SKOR2: variants seen among roughly 807,000 people sequenced by gnomAD.
SKOR2 encodes the protein SKI family transcriptional corepressor 2.
In SKOR2, 47 loss-of-function variants were observed where a neutral mutation model predicts 69.1. That is an observed-to-expected ratio of 0.68 (90% CI 0.54 to 0.87). The LOEUF is 0.87. Ranked by LOEUF, SKOR2 falls within the 40% of genes least tolerant of loss-of-function variation. SKOR2 has a pLI of 0.00. For missense variants in SKOR2, 1,404 were observed against 1,472.2 expected (o/e 0.95, Z 0.76); for synonymous variants, 717 against 672.6 (o/e 1.07, Z -1.02).
Position 47,248,617 on chromosome 18 carries a change from G to A in SKOR2, c.567C>T (p.His189=). The A allele has an allele frequency of 6.5e-7, 1 of 1,548,790 alleles. No individual in the cohort carries two copies. The highest frequency in any genetic ancestry group is 8.7e-7 in the Non-Finnish European group (1 of 1,152,552). ...MYFSPNKFIF[H]SHRTPDAKYT... ...ACTTGGCGTCGGGCGTGCGGTGGGA[G>A]TGGAAAATGAACTTGTTGGGCGAGA... Residue 189 remains histidine (H), a synonymous_variant, in exon 2 of 9, where the codon CAC becomes CAT. Coordinates refer to ENST00000425639, the MANE Select transcript of SKOR2 (RefSeq NM_001278063.4). The surrounding 1 kb of genome is among the most constrained non-coding windows in gnomAD (Gnocchi z 6.4).
rs935803653 is a variant in SKOR2, at chr18:47,246,794, C to T, written c.2390G>A (p.Gly797Glu). 3 of 1,414,124 alleles carry T rather than the reference C, an allele frequency of 2.1e-6. No individual in the cohort carries two copies. The highest frequency in any genetic ancestry group is 2.9e-5 in the East Asian group (1 of 34,272). 87.6% of individuals were successfully genotyped at this position (1,414,124 alleles called of 1,614,324 possible). The change falls in exon 2 of 9, where the codon GGG becomes GAG. Residue 797 changes from glycine (G) to glutamate (E), a missense_variant. Transcript: ENST00000425639. ...GGCCGGCGCGCGGTCCCGGCTGCTC[C>T]CCTTCTCCGACGGCCCTCGGCCCTG... is the stretch of plus-strand genomic sequence containing the variant. ...FLQGRGPSEK[G>E]SSRDRAPAVA...
At chr18:47,231,311 G>A in intron 4 of SKOR2, 1 of 774,384 alleles carries the variant, frequency 1.3e-6, no homozygotes, top group African/African-American at 1.8e-5. Flanking sequence ...TGCTAGAATG[G>A]GCAAAAGAGG....
intron 4 of SKOR2, among the ~76,000 whole-genome samples, chr18:47,240,690 C>T: frequency 6.6e-6 from 1 of 152,092 alleles, no homozygotes; most frequent in East Asian, 1.9e-4. Flanking sequence ...AAAGGCTAAA[C>T]TTAATTAAAA....
intron 2 of SKOR2, 106 bp from the exon 3 acceptor site, chr18:47,245,667 C>G: frequency 1.0e-6 from 1 of 978,092 alleles, no homozygotes; most frequent in Non-Finnish European, 1.4e-6. Context: ...TCCATGGAGC[C>G]TCAGGAGACA....
At chr18:47,231,036 T>G (rs1299342420) in intron 4 of SKOR2, 36 bp from the exon 5 acceptor site, 1 of 1,535,494 alleles carries the variant, frequency 6.5e-7, no homozygotes, top group Non-Finnish European at 8.7e-7. Context: ...ATTAGTTTTG[T>G]GTAGGCTAGT....
chr18:47,248,959 G>T lies in SKOR2; in HGVS notation c.225C>A (p.Phe75Leu). Residue 75 changes from phenylalanine to leucine, a missense_variant, in exon 2 of 9, where the codon TTC becomes TTA. By Grantham distance (22) the Phe-to-Leu change is conservative. Around this residue, in one of 3 missense-constraint regions of SKOR2, gnomAD observed 34 missense variants for 66.6 expected, o/e 0.51. Transcript: ENST00000425639. The surrounding 1 kb of genome is among the most constrained non-coding windows in gnomAD (Gnocchi z 6.4). ...AQISNTLLKNFSYNEIHNRRV... is the reference protein window; with the variant it reads ...AQISNTLLKNLSYNEIHNRRV... Reference sequence around the variant, plus strand: ...GACGGTTGTGGATCTCGTTGTAGCTGAAGTTCTTGAGCAGAGTGTTGGAGA... The same window carrying T: ...GACGGTTGTGGATCTCGTTGTAGCTTAAGTTCTTGAGCAGAGTGTTGGAGA... 6.3e-7 allele frequency: 1 copy of T among 1,574,886 alleles called. No individual in the cohort carries two copies. Among genetic ancestry groups the T allele is most frequent in the Non-Finnish European group, 8.6e-7 (1 of 1,167,730 alleles).
At chr18:47,216,025 T>C (rs545967932) in intron 7 of SKOR2, among the ~76,000 whole-genome samples, 2 of 152,364 alleles carry the variant, frequency 1.3e-5, no homozygotes, top group South Asian at 2.1e-4. Flanking sequence ...TAAGTTTTTA[T>C]ATTCCAGTCC....
intron 1 of SKOR2, among the ~76,000 whole-genome samples, chr18:47,250,914 G>T (rs1318417304): frequency 1.3e-5 from 2 of 152,044 alleles, no homozygotes; most frequent in Admixed American, 6.6e-5. Flanking sequence ...ATTCATATCC[G>T]CTTAATAAGA....
chr18:47,210,518 T>G (rs190018882), intron 8 of SKOR2, among the ~76,000 whole-genome samples: 1 of 152,278 alleles, frequency 6.6e-6, no homozygotes, highest in Admixed American at 6.5e-5. Context: ...CCATTATACA[T>G]ATGGAGTTTA....
intron 7 of SKOR2, among the ~76,000 whole-genome samples, chr18:47,219,563 G>A (rs1342865285): frequency 1.3e-5 from 2 of 151,986 alleles, no homozygotes; most frequent in East Asian, 1.9e-4. Flanking sequence ...GGTAGTGGAG[G>A]GCCTGGCTCA....
chr18:47,221,332 G>T (rs1203407045), intron 6 of SKOR2, among the ~76,000 whole-genome samples: 4 of 152,184 alleles, frequency 2.6e-5, no homozygotes, highest in African/African-American at 9.7e-5. Flanking sequence ...ATTGAGAGAA[G>T]AGCTGTCATT....
intron 4 of SKOR2, 178 bp from the exon 5 acceptor site, chr18:47,231,178 G>C: frequency 6.5e-7 from 1 of 1,535,998 alleles, no homozygotes; most frequent in Non-Finnish European, 8.7e-7. Context: ...AAACACGGAG[G>C]GGAGGTGCAG....
At chr18:47,216,535 C>T (rs1421584100) in intron 7 of SKOR2, among the ~76,000 whole-genome samples, 2 of 152,138 alleles carry the variant, frequency 1.3e-5, no homozygotes, top group Non-Finnish European at 2.9e-5. Context: ...CACAACTTTA[C>T]ATTTAACACG....
At chr18:47,207,099 C>A (rs2064115404) in intron 8 of SKOR2, among the ~76,000 whole-genome samples, 1 of 151,834 alleles carries the variant, frequency 6.6e-6, no homozygotes, top group Non-Finnish European at 1.5e-5. Flanking sequence ...CACAGTAAAG[C>A]CATTTAGATG....
chr18:47,237,322 G>A (rs1407826117), intron 4 of SKOR2, among the ~76,000 whole-genome samples: 1 of 152,150 alleles, frequency 6.6e-6, no homozygotes, highest in African/African-American at 2.4e-5. Flanking sequence ...CAAAACCACA[G>A]CACTAAATTT....
rs1256033239 is a variant in SKOR2 at position 47,237,039 on chromosome 18, C to A, written c.2753-6039G>T. 1.3e-5 allele frequency among the ~76,000 whole-genome samples: 2 copies of A among 152,190 alleles called. 1 individual carries two copies. Among genetic ancestry groups the A allele is most frequent in the Non-Finnish European group, 2.9e-5 (2 of 68,034 alleles). On this transcript the variant is annotated intron_variant, in intron 4 of 8. Coordinates refer to ENST00000425639, the MANE Select transcript of SKOR2 (RefSeq NM_001278063.4). The stretch of plus-strand genomic sequence containing the variant: ...ATCACCCCTACCTTAGGAAAGGGTA[C>A]AAATACATTCCACAAATACTTGTTG...
At chr18:47,237,374 G>C (rs951175299) in intron 4 of SKOR2, among the ~76,000 whole-genome samples, 2 of 152,206 alleles carry the variant, frequency 1.3e-5, no homozygotes, top group East Asian at 1.9e-4. Flanking sequence ...TATGTCTACT[G>C]TAGCCTCCAA....
chr18:47,231,357 T>C (rs1321066815), intron 4 of SKOR2, among the ~76,000 whole-genome samples: 2 of 152,088 alleles, frequency 1.3e-5, no homozygotes, highest in Non-Finnish European at 2.9e-5. Context: ...AGAAATCTGA[T>C]TGGAGTCCCA....
chr18:47,218,417 C>T (rs1015780341), intron 7 of SKOR2, among the ~76,000 whole-genome samples: 3 of 151,748 alleles, frequency 2.0e-5, no homozygotes, highest in Admixed American at 2.0e-4. Context: ...CAGAAAGACC[C>T]TGTCTCAACA....
Sources: allele counts gnomAD v4.1 joint callset (sites outside exome capture counted in the v4.1 genomes callset), GRCh38; gene constraint gnomAD v4.1.1; regional missense constraint gnomAD v4.1.1; non-coding constraint Gnocchi (gnomAD v3.1); transcripts MANE v1.5; gene names NCBI Gene and HGNC (gene_info 2026-07-23, HGNC 2026-07-21).